Variants in MRPL11 observed in about 807,000 individuals in gnomAD.
The protein encoded by MRPL11 is mitochondrial ribosomal protein L11.
A neutral mutation model predicts 19.1 loss-of-function variants in MRPL11; 21 were observed. The observed-to-expected ratio is 1.10, with a 90% CI of 0.78 to 1.58. The LOEUF (loss-of-function observed/expected upper bound fraction) is 1.58. Among genes scored for constraint, MRPL11 ranks in the 40% most tolerant of loss-of-function variants. The pLI is 0.00. For missense variants in MRPL11, 242 were observed against 243.9 expected (o/e 0.99, Z 0.05); for synonymous variants, 108 against 99.7 (o/e 1.08, Z -0.49).
intron 1 of MRPL11, 128 bp from the exon 2 acceptor site, chr11:66,438,387 C>A: frequency 1.1e-6 from 1 of 904,012 alleles, no homozygotes. Context: ...ATTCAACTAC[C>A]CCTCCGTGAG....
At position 66,435,788 on chromosome 11, in the gene MRPL11, C is replaced by T. The variant is rs1856953826; in HGVS notation, c.*219G>A. 3 of 518,662 alleles carry T rather than the reference C, an allele frequency of 5.8e-6. No individual in the cohort carries two copies. Among genetic ancestry groups the T allele is most frequent in the Non-Finnish European group, 1.1e-5 (3 of 284,990 alleles). 32.1% of individuals were successfully genotyped at this position (518,662 alleles called of 1,614,324 possible). A position where few individuals can be genotyped will look rare whatever the true frequency, so the allele number is the denominator to read the frequency against. ...TAATGTCTGCCCATATTGGCTACCA[C>T]CAGTACTGGTTCCCTTCCCTGAGGT... is the stretch of plus-strand genomic sequence containing the variant. On this transcript the variant is annotated 3_prime_UTR_variant, in exon 5 of 5. Coordinates refer to ENST00000310999, the MANE Select transcript of MRPL11 (RefSeq NM_016050.5).
intron 2 of MRPL11, among the ~76,000 whole-genome samples, chr11:66,437,824 A>T (rs1022663087): frequency 1.3e-5 from 2 of 152,208 alleles, no homozygotes; most frequent in African/African-American, 4.8e-5. Flanking sequence ...CAGTGAGCGG[A>T]GATCGTGCCA....
chr11:66,437,176 T>C lies in MRPL11; in HGVS notation c.401A>G (p.Asp134Gly), dbSNP rs757345583. The C allele has an allele frequency of 6.2e-7, 1 of 1,614,066 alleles. No homozygotes were observed. The highest frequency in any genetic ancestry group is 1.3e-5 in the African/African-American group (1 of 74,918). Residue 134 changes from aspartate (D) to glycine (G), a missense_variant, in exon 4 of 5, where the codon GAT (aspartate) becomes GGT (glycine). Coordinates refer to ENST00000310999, the MANE Select transcript of MRPL11 (RefSeq NM_016050.5). ...GCGGACAACAGACGACAGGGGTACA[T>C]CCTGCAGGGCAAATGCCTCATCCTG... is the stretch of plus-strand genomic sequence containing the variant. ...KAQDEAFALQ[D>G]VPLSSVVRSI... is the part of the protein sequence containing the mutation.
At chr11:66,437,487 C>T (rs952634680) in intron 2 of MRPL11, 44 bp from the exon 3 acceptor site, 2 of 1,580,000 alleles carry the variant, frequency 1.3e-6, no homozygotes, top group African/African-American at 1.3e-5. Context: ...TCCTACTGCC[C>T]CATCCCAGGG....
At position 66,438,800 on chromosome 11, in the gene MRPL11, G is replaced by A; in HGVS notation, c.-46C>T. 1 of 1,438,744 alleles carries A rather than the reference G, an allele frequency of 7.0e-7. No individual in the cohort carries two copies. The highest frequency in any genetic ancestry group is 2.7e-5 in the East Asian group (1 of 37,308). 89.1% of individuals were successfully genotyped at this position (1,438,744 alleles called of 1,614,324 possible). ...AGTTCACCTCAGGGGAGCAGCAAGA[G>A]CGAAGCTCTGGGCGCCACCATCTTG... On this transcript the variant is annotated 5_prime_UTR_variant, in exon 1 of 5. Coordinates refer to ENST00000310999, the MANE Select transcript of MRPL11 (RefSeq NM_016050.5).
intron 2 of MRPL11, 140 bp from the exon 3 acceptor site, chr11:66,437,583 T>A: frequency 1.3e-6 from 1 of 795,792 alleles, no homozygotes. Flanking sequence ...AAGAAAAAAA[T>A]AAATCGGGGT....
intron 4 of MRPL11, among the ~76,000 whole-genome samples, chr11:66,436,365 A>G (rs1856970053): frequency 6.6e-6 from 1 of 152,152 alleles, no homozygotes; most frequent in South Asian, 2.1e-4. Flanking sequence ...GGCATCAGCC[A>G]GGCCCCAGTC....
rs1857009940 is a variant in MRPL11 at position 66,437,561 on chromosome 11, C to T, written c.220-118G>A. 12 of 892,020 alleles carry T rather than the reference C, an allele frequency of 1.3e-5. No individual in the cohort carries two copies. The South Asian group carries it at 1.4e-4, about 10-fold the overall frequency. 55.3% of individuals were successfully genotyped at this position (892,020 alleles called of 1,614,324 possible). On this transcript the variant is annotated intron_variant, in intron 2 of 4. Transcript: ENST00000310999. ...TTTCCAATGGCATCCCTCAAAAAGA[C>T]CACAGAATCACAAGAAAAAAATAAA...
chr11:66,435,498 CA>C lies in MRPL11; in HGVS notation c.*508del. 1 of 153,352 alleles carries C rather than the reference CA, an allele frequency of 6.5e-6. No individual in the cohort carries two copies. Among genetic ancestry groups the C allele is most frequent in the South Asian group, 2.0e-4 (1 of 4,906 alleles). The allele number at this position is 153,352 out of a possible 1,614,324, so 9.5% of individuals were successfully genotyped here. A position where few individuals can be genotyped will look rare whatever the true frequency, so the allele number is the denominator to read the frequency against. ...GTTTCTGCAGAGGTGGCAAGTTGTT[CA>C]GAGATAAAAGAGATTTTTGATGGAA... On this transcript the variant is annotated 3_prime_UTR_variant, in exon 5 of 5. Transcript: ENST00000310999.
rs1010516663 is a variant in MRPL11, at chr11:66,437,213, G to T, written c.364C>A (p.Arg122Ser). ...AATGCCTCATCCTGAGCTTTGATGC[G>T]GGCAATCTCATACACATGCTTCAAG... The part of the protein sequence containing the change: ...VTLKHVYEIA[R>S]IKAQDEAFAL... Residue 122 changes from arginine (R) to serine (S), a missense_variant, in exon 4 of 5, where the codon CGC becomes AGC. Physicochemically the swap from Arg to Ser is moderately radical, Grantham distance 110. Transcript: ENST00000310999. 13 of 1,614,166 alleles carry T rather than the reference G, an allele frequency of 8.1e-6. No homozygotes were observed. Among genetic ancestry groups the T allele is most frequent in the Non-Finnish European group, 1.1e-5 (13 of 1,180,026 alleles).
Position 66,437,441 on chromosome 11 carries a change from A to T in MRPL11, c.222T>A (p.Pro74=). 1.2e-6 allele frequency: 2 copies of T among 1,614,072 alleles called. No individual in the cohort carries two copies. Among genetic ancestry groups the T allele is most frequent in the Non-Finnish European group, 8.5e-7 (1 of 1,179,940 alleles). The stretch of plus-strand genomic sequence containing the variant: ...CAATCTTAATTTCAAATGTCCTGTC[A>T]GGCTTAACAGAAAAAAGAAATATGA... ...IPLPTKILVK[P]DRTFEIKIGQ... The change falls in exon 3 of 5, where the codon CCT becomes CCA. Residue 74 remains proline, a splice_region_variant and synonymous_variant. Transcript: ENST00000310999.
chr11:66,437,503 C>A (rs1287034891), intron 2 of MRPL11, 60 bp from the exon 3 acceptor site: 1 of 1,499,722 alleles, frequency 6.7e-7, no homozygotes, highest in South Asian at 1.1e-5. Context: ...CAGGGAACTT[C>A]TAATGTCTTG....
Position 66,437,342 on chromosome 11 carries a change from G to C in MRPL11, c.313+8C>G. The C allele has an allele frequency of 6.2e-7, 1 of 1,614,126 alleles. No homozygotes were observed. Among genetic ancestry groups the C allele is most frequent in the African/African-American group, 1.3e-5 (1 of 75,018 alleles). On this transcript the variant is annotated splice_region_variant and intron_variant, in intron 3 of 4. Coordinates refer to ENST00000310999, the MANE Select transcript of MRPL11 (RefSeq NM_016050.5). ...CCCAGAATCTCAGATGCTTACCCTG[G>C]CCCTCACCTGTTTGCCGGGCCCCCT...
At chr11:66,436,182 C>A (rs979004305) in intron 4 of MRPL11, 70 bp from the exon 5 acceptor site, 2 of 1,357,612 alleles carry the variant, frequency 1.5e-6, no homozygotes, top group African/African-American at 1.4e-5. Context: ...GACCCTATGT[C>A]TTGCAGGGGC....
rs1379685633 is a variant in MRPL11 at position 66,438,167 on chromosome 11, C to G, written c.216G>C (p.Val72=). 6.2e-7 allele frequency: 1 copy of G among 1,610,310 alleles called. No homozygotes were observed. The highest frequency in any genetic ancestry group is 2.2e-5 in the East Asian group (1 of 44,862). ...GGGATCAGAGTCCAGACTCCACCTT[C>G]ACTAAAATCTTGGTAGGCAGAGGAA... ...EGIPLPTKIL[V]KPDRTFEIKI... Residue 72 remains valine, a synonymous_variant, in exon 2 of 5, where the codon GTG becomes GTC. Transcript: ENST00000310999.
chr11:66,437,546 C>T, intron 2 of MRPL11, 103 bp from the exon 3 acceptor site: 2 of 1,053,280 alleles, frequency 1.9e-6, no homozygotes, highest in Admixed American at 2.1e-5. Flanking sequence ...TTTCCAATGG[C>T]ATCCCTCAAA....
Position 66,438,169 on chromosome 11 carries a change from C to G in MRPL11, c.214G>C (p.Val72Leu). 2 of 1,611,920 alleles carry G rather than the reference C, an allele frequency of 1.2e-6. No individual in the cohort carries two copies. The highest frequency in any genetic ancestry group is 1.7e-6 in the Non-Finnish European group (2 of 1,178,026). ...EGIPLPTKIL[V>L]KPDRTFEIKI... ...GATCAGAGTCCAGACTCCACCTTCA[C>G]TAAAATCTTGGTAGGCAGAGGAATG... Residue 72 changes from valine to leucine, a missense_variant, in exon 2 of 5, where the codon GTG (valine) becomes CTG (leucine). Val to Leu is a conservative substitution (Grantham distance 32, BLOSUM62 1). Coordinates refer to ENST00000310999, the MANE Select transcript of MRPL11 (RefSeq NM_016050.5).
rs1857010890 is a variant in MRPL11 at position 66,437,589 on chromosome 11, G to A, written c.220-146C>T. On this transcript the variant is annotated intron_variant, in intron 2 of 4. Coordinates refer to ENST00000310999, the MANE Select transcript of MRPL11 (RefSeq NM_016050.5). The stretch of plus-strand genomic sequence containing the variant: ...CAGAATCACAAGAAAAAAATAAATC[G>A]GGGTCAGGCGCAGTGGTTCATGCCT... 10 of 770,788 alleles carry A rather than the reference G, an allele frequency of 1.3e-5. No homozygotes were observed. In the East Asian group the frequency reaches 1.6e-4, roughly 12 times the overall value. 47.7% of individuals were successfully genotyped at this position (770,788 alleles called of 1,614,324 possible).
rs200820155 is a variant in MRPL11, at chr11:66,437,406, G to A, written c.257C>T (p.Thr86Ile). 6 of 1,614,118 alleles carry A rather than the reference G, an allele frequency of 3.7e-6. No individual in the cohort carries two copies. The East Asian group carries it at 1.3e-4, about 36-fold the overall frequency. ...TGCTGCCTTCAGGAAGTAGGAAACAGTGGGCTGTCCAATCTTAATTTCAAA... is the reference window on the plus strand; with the variant it reads ...TGCTGCCTTCAGGAAGTAGGAAACAATGGGCTGTCCAATCTTAATTTCAAA... The part of the protein sequence containing the change: ...RTFEIKIGQP[T>I]VSYFLKAAAG... Residue 86 changes from threonine (T) to isoleucine (I), a missense_variant, in exon 3 of 5, where the codon ACT becomes ATT. Coordinates refer to ENST00000310999, the MANE Select transcript of MRPL11 (RefSeq NM_016050.5).
Sources: allele counts gnomAD v4.1 joint callset (sites outside exome capture counted in the v4.1 genomes callset), GRCh38; gene constraint gnomAD v4.1.1; transcripts MANE v1.5; gene names NCBI Gene and HGNC (gene_info 2026-07-23, HGNC 2026-07-21).